Variants in MYOM2 observed in about 807,000 individuals in gnomAD.
The protein encoded by MYOM2 is myomesin-2.
In MYOM2, 254 loss-of-function variants were observed where a neutral mutation model predicts 187.6. The ratio of observed to expected loss-of-function variants is 1.35; its 90% CI spans 1.22 to 1.50. The LOEUF (loss-of-function observed/expected upper bound fraction) is 1.50. Ranked by LOEUF, MYOM2 falls within the 40% of genes most tolerant of loss-of-function variation. The pLI is 0.00. For missense variants in MYOM2, 2,796 were observed against 1,924.0 expected (o/e 1.45, Z -8.48); for synonymous variants, 981 against 753.8 (o/e 1.30, Z -4.94).
chr8:2,089,674 T>C (rs1796227015), intron 14 of MYOM2, among the ~76,000 whole-genome samples: 2 of 152,224 alleles, frequency 1.3e-5, no homozygotes, highest in South Asian at 4.1e-4. Flanking sequence ...ACTTCTAAAT[T>C]ATCTTTCATT....
chr8:2,103,689 ATGAG>A lies in MYOM2; in HGVS notation c.2734+911_2734+914del, dbSNP rs1796796861. On this transcript the variant is annotated intron_variant, in intron 21 of 36. Transcript: ENST00000262113. ...TATGTATGTAGAGGTATATGGATAA[ATGAG>A]TGGGAGAGTGTGCATGTATTAGTGT... Among the ~76,000 whole-genome samples, 2 of 148,390 alleles carry A rather than the reference ATGAG, an allele frequency of 1.3e-5. 1 individual carries two copies. The highest frequency in any genetic ancestry group is 4.3e-4 in the South Asian group (2 of 4,604).
intron 32 of MYOM2, 87 bp from the exon 33 acceptor site, chr8:2,140,636 G>A: frequency 7.2e-7 from 1 of 1,383,754 alleles, no homozygotes; most frequent in Non-Finnish European, 9.8e-7. Context: ...AGAGAAGGCT[G>A]TCACAGCAAC....
At chr8:2,120,698 T>TAATATATATATA (rs1797419986) in intron 28 of MYOM2, among the ~76,000 whole-genome samples, 1 of 116,560 alleles carries the variant, frequency 8.6e-6, no homozygotes, top group Non-Finnish European at 1.7e-5. Context: ...AAATATATAA[T>TAATATATATATA]ATATATATTT....
intron 3 of MYOM2, among the ~76,000 whole-genome samples, chr8:2,055,394 C>T (rs114132717): frequency 1.3e-5 from 2 of 152,096 alleles, no homozygotes; most frequent in Non-Finnish European, 2.9e-5. Context: ...GCAGGAGGAG[C>T]AGAAGCCAGC....
At chr8:2,052,387 G>A (rs1585816660) in intron 3 of MYOM2, 74 bp downstream of exon 3, 1 of 1,456,106 alleles carries the variant, frequency 6.9e-7, no homozygotes, top group Admixed American at 2.8e-5. Context: ...GGGTGAGGAG[G>A]GAAGAGCGAC....
chr8:2,099,184 G>A (rs1796601343), intron 19 of MYOM2, among the ~76,000 whole-genome samples: 1 of 152,238 alleles, frequency 6.6e-6, no homozygotes, highest in South Asian at 2.1e-4. Flanking sequence ...GCTGTGCGTG[G>A]TCCAGAGGCC....
chr8:2,056,156 G>T (rs150331243), intron 3 of MYOM2, among the ~76,000 whole-genome samples: 1 of 152,318 alleles, frequency 6.6e-6, no homozygotes, highest in African/African-American at 2.4e-5. Context: ...GATCATAAAG[G>T]CCCTAAGAGA....
chr8:2,142,357 G>A lies in MYOM2; in HGVS notation c.4002-18G>A. On this transcript the variant is annotated intron_variant, in intron 34 of 36. Coordinates refer to ENST00000262113, the MANE Select transcript of MYOM2 (RefSeq NM_003970.4). ...ACTCTCTTTTCATTCTCTCCTTTCT[G>A]TCCCCTTTAACTTTTAGAGCTGCTG... The A allele has an allele frequency of 1.2e-6, 2 of 1,612,176 alleles. No homozygotes were observed. Among genetic ancestry groups the A allele is most frequent in the South Asian group, 1.1e-5 (1 of 91,032 alleles).
chr8:2,077,087 G>A (rs1018611156), intron 11 of MYOM2, among the ~76,000 whole-genome samples: 32 of 152,250 alleles, frequency 2.1e-4, no homozygotes, highest in South Asian at 4.2e-4. Flanking sequence ...CAACGCGGGC[G>A]GATTACAAGT....
At chr8:2,103,357 G>A (rs1461325126) in intron 21 of MYOM2, among the ~76,000 whole-genome samples, 1 of 149,442 alleles carries the variant, frequency 6.7e-6, no homozygotes, top group Non-Finnish European at 1.5e-5. Flanking sequence ...TGTATGTATG[G>A]ATGGGTGTAT....
chr8:2,116,187 A>G (rs777013557), intron 26 of MYOM2, 29 bp from the exon 27 acceptor site: 5 of 1,599,164 alleles, frequency 3.1e-6, no homozygotes, highest in African/African-American at 1.4e-5. Context: ...AACATGTTTC[A>G]TATATATTTT....
chr8:2,077,356 C>A (rs1187023967), intron 11 of MYOM2, among the ~76,000 whole-genome samples: 3 of 151,834 alleles, frequency 2.0e-5, no homozygotes, highest in Admixed American at 2.0e-4. Flanking sequence ...AACAAAAAAA[C>A]CACAAAGGAT....
chr8:2,112,099 C>T (rs556294747), intron 25 of MYOM2, among the ~76,000 whole-genome samples: 7 of 152,258 alleles, frequency 4.6e-5, no homozygotes, highest in South Asian at 4.1e-4. Flanking sequence ...TCCCAGTGGA[C>T]GGCAGCACCT....
intron 28 of MYOM2, among the ~76,000 whole-genome samples, chr8:2,120,680 T>TATAAAATATA: frequency 2.1e-5 from 1 of 48,300 alleles, no homozygotes; most frequent in African/African-American, 6.6e-5. Flanking sequence ...ATATATTATA[T>TATAAAATATA]TATATATAAA....
At chr8:2,067,521 G>A (rs1292876996) in intron 6 of MYOM2, among the ~76,000 whole-genome samples, 1 of 152,324 alleles carries the variant, frequency 6.6e-6, no homozygotes, top group African/African-American at 2.4e-5. Flanking sequence ...ACGTGGAAAT[G>A]CTGATGTGAA....
intron 18 of MYOM2, among the ~76,000 whole-genome samples, chr8:2,096,877 C>T (rs549167615): frequency 6.6e-6 from 1 of 152,320 alleles, no homozygotes; most frequent in Non-Finnish European, 1.5e-5. Flanking sequence ...TATTTCAGGC[C>T]TCCCAGAGAG....
intron 25 of MYOM2, among the ~76,000 whole-genome samples, chr8:2,113,466 T>A (rs750426960): frequency 6.6e-6 from 1 of 152,118 alleles, no homozygotes; most frequent in Non-Finnish European, 1.5e-5. Context: ...AGATGCTGCC[T>A]GGGGTGGGGC....
intron 6 of MYOM2, among the ~76,000 whole-genome samples, chr8:2,061,506 G>C (rs1187484914): frequency 2.0e-5 from 3 of 152,120 alleles, no homozygotes; most frequent in Non-Finnish European, 2.9e-5. Context: ...ACCTGGGGCG[G>C]TGGCTTCAGC....
chr8:2,100,521 CTG>C (rs1796670268), intron 19 of MYOM2: 1 of 255,632 alleles, frequency 3.9e-6, no homozygotes, highest in African/African-American at 2.2e-5. Context: ...CCCTGAGTGA[CTG>C]TGACTGCCAG....
Sources: allele counts gnomAD v4.1 joint callset (sites outside exome capture counted in the v4.1 genomes callset), GRCh38; gene constraint gnomAD v4.1.1; transcripts MANE v1.5; gene names NCBI Gene and HGNC (gene_info 2026-07-23, HGNC 2026-07-21).